The following MPC1 variants were observed in gnomAD, a reference collection of about 807,000 sequenced individuals.
The protein encoded by MPC1 is HSPC040 protein.
A neutral mutation model predicts 13.9 loss-of-function variants in MPC1; 6 were observed. The observed-to-expected ratio is 0.43, with a 90% confidence interval of 0.24 to 0.85. MPC1 has a LOEUF of 0.85. Ranked by LOEUF, MPC1 falls within the 40% of genes least tolerant of loss-of-function variation. The pLI is 0.24. For synonymous variants in MPC1, 47 were observed against 50.5 expected (o/e 0.93, Z 0.29); for missense variants, 115 against 143.3 (o/e 0.80, Z 1.01).
chr6:166,380,939 C>CAAA (rs1175434820), intron 1 of MPC1, among the ~76,000 whole-genome samples: 46 of 47,664 alleles, frequency 9.7e-4, no homozygotes, highest in South Asian at 1.8e-3. Context: ...AACTCTGTCT[C>CAAA]AAAAAAAAAA....
At chr6:166,372,076 C>A (rs2114958627) in intron 1 of MPC1, among the ~76,000 whole-genome samples, 1 of 152,252 alleles carries the variant, frequency 6.6e-6, no homozygotes, top group South Asian at 2.1e-4. Context: ...AAACTGACCA[C>A]AATGCTTTAT....
intron 1 of MPC1, among the ~76,000 whole-genome samples, chr6:166,377,213 C>T (rs1469166352): frequency 6.7e-6 from 1 of 150,108 alleles, no homozygotes; most frequent in African/African-American, 2.4e-5. Flanking sequence ...CAGACCCATG[C>T]CGGCACCCAG....
intron 1 of MPC1, among the ~76,000 whole-genome samples, chr6:166,377,207 C>G (rs1031122274): frequency 2.6e-4 from 39 of 149,202 alleles, no homozygotes; most frequent in Non-Finnish European, 5.0e-4. Context: ...CAGTGGCAGA[C>G]CCATGCCGGC....
chr6:166,375,795 C>T (rs1050060434), intron 1 of MPC1, among the ~76,000 whole-genome samples: 6 of 152,108 alleles, frequency 3.9e-5, no homozygotes, highest in Middle Eastern at 3.2e-3. Flanking sequence ...GTGTTCTATT[C>T]GCCAGAATAT....
intron 2 of MPC1, chr6:166,369,572 C>T (rs1779299047): frequency 6.2e-6 from 1 of 162,556 alleles, no homozygotes; most frequent in South Asian, 1.7e-4. Context: ...CATTTTAACA[C>T]TAGTTTACTA....
At chr6:166,380,556 G>A (rs1569461) in intron 1 of MPC1, among the ~76,000 whole-genome samples, 100,468 of 152,040 alleles carry the variant, frequency 0.66, 34,611 homozygotes, top group East Asian at 0.94. Flanking sequence ...CCTGGCTCTT[G>A]GAAACCCATT....
At chr6:166,377,849 A>G (rs531684050) in intron 1 of MPC1, among the ~76,000 whole-genome samples, 1 of 152,340 alleles carries the variant, frequency 6.6e-6, no homozygotes, top group African/African-American at 2.4e-5. Flanking sequence ...TTCCAGCTTC[A>G]TTCAATTTCT....
intron 1 of MPC1, among the ~76,000 whole-genome samples, chr6:166,381,982 G>T (rs1779801848): frequency 1.3e-5 from 2 of 152,196 alleles, no homozygotes; most frequent in Non-Finnish European, 2.9e-5. Flanking sequence ...CGCGCTCTCA[G>T]CAGCGCCTCC....
At chr6:166,376,664 T>G (rs976154231) in intron 1 of MPC1, among the ~76,000 whole-genome samples, 1 of 152,232 alleles carries the variant, frequency 6.6e-6, no homozygotes, top group African/African-American at 2.4e-5. Flanking sequence ...CACCTAAAAT[T>G]AACCATTGCA....
In MPC1 at chr6:166,379,338, CAAA is replaced by C. The variant is rs576929435; in HGVS notation, c.71+3465_71+3467del. On this transcript the variant is annotated intron_variant, in intron 1 of 4. Transcript: ENST00000360961. ...GCAAGGTCCCATCTCTAAGAAAAAA[CAAA>C]AAACTAGCCAGGTATGATTGTGCAC... is the stretch of plus-strand genomic sequence containing the variant. Among the ~76,000 whole-genome samples the C allele has an allele frequency of 9.2e-3, 1,403 of 152,140 alleles. 16 individuals carry two copies. The highest frequency in any genetic ancestry group is 0.015 in the Non-Finnish European group (1,042 of 67,986).
At chr6:166,376,523 G>A (rs140809977) in intron 1 of MPC1, among the ~76,000 whole-genome samples, 17 of 152,274 alleles carry the variant, frequency 1.1e-4, no homozygotes, top group African/African-American at 2.4e-4. Context: ...CCACTTACAC[G>A]GGTGAGGGCA....
intron 1 of MPC1, among the ~76,000 whole-genome samples, chr6:166,371,179 A>C (rs1167988727): frequency 6.6e-6 from 1 of 152,190 alleles, no homozygotes; most frequent in Non-Finnish European, 1.5e-5. Flanking sequence ...TTAACAATGA[A>C]ACTTTCCCTT....
chr6:166,368,712 A>C (rs1008586779), intron 2 of MPC1: 2 of 930,974 alleles, frequency 2.1e-6, no homozygotes, highest in Non-Finnish European at 2.6e-6. Flanking sequence ...GAGAGTATCT[A>C]TCTCTCCCTT....
In MPC1 at chr6:166,382,893, G is replaced by A; in HGVS notation, c.-17C>T. The A allele has an allele frequency of 6.3e-7, 1 of 1,589,958 alleles. No homozygotes were observed. Among genetic ancestry groups the A allele is most frequent in the Non-Finnish European group, 8.5e-7 (1 of 1,170,664 alleles). On this transcript the variant is annotated 5_prime_UTR_variant, in exon 1 of 5. Coordinates refer to ENST00000360961, the MANE Select transcript of MPC1 (RefSeq NM_016098.4). ...GCCCGCCATGGCTGTGCCGACACCA[G>A]ACCCCGAGTGGTCCCTGCCTCTGCT...
intron 2 of MPC1, chr6:166,368,854 C>T (rs1583059433): frequency 2.0e-6 from 2 of 985,534 alleles, no homozygotes; most frequent in Non-Finnish European, 1.2e-6. Flanking sequence ...CTATTTTCAT[C>T]TCCTTTTCCG....
chr6:166,373,257 C>CT (rs1779447429), intron 1 of MPC1, among the ~76,000 whole-genome samples: 1 of 152,154 alleles, frequency 6.6e-6, no homozygotes, highest in Non-Finnish European at 1.5e-5. Context: ...ATCATAGTGT[C>CT]TTACAGTAGT....
In MPC1 at chr6:166,380,705, C is replaced by T. The variant is rs181155439; in HGVS notation, c.71+2101G>A. On this transcript the variant is annotated intron_variant, in intron 1 of 4. Coordinates refer to ENST00000360961, the MANE Select transcript of MPC1 (RefSeq NM_016098.4). ...TGCTAACCCCAGCACTTTGGGAGGC[C>T]GAGGTGGGCGGATCACCTGAAGTCG... 5.9e-5 allele frequency among the ~76,000 whole-genome samples: 9 copies of T among 152,098 alleles called. No individual in the cohort carries two copies. The South Asian group carries it at 8.3e-4, about 14-fold the overall frequency.
intron 1 of MPC1, among the ~76,000 whole-genome samples, chr6:166,382,401 A>G (rs1779827690): frequency 6.9e-6 from 1 of 144,202 alleles, no homozygotes; most frequent in African/African-American, 2.6e-5. Context: ...ACCGTCACCC[A>G]CTCCCTGAAG....
chr6:166,369,952 G>T, intron 2 of MPC1: 1 of 624,986 alleles, frequency 1.6e-6, no homozygotes, highest in Non-Finnish European at 2.9e-6. Flanking sequence ...CGGTTGCTAG[G>T]CTCCACTGTG....
Sources: gnomAD v4.1 joint callset for allele counts (sites outside exome capture counted in the v4.1 genomes callset) on GRCh38, gnomAD v4.1.1 for gene constraint, MANE v1.5 for transcripts, NCBI Gene and HGNC (gene_info 2026-07-23, HGNC 2026-07-21) for gene names.